MICAL2: variants seen among roughly 807,000 people sequenced by gnomAD.
MICAL2 encodes the protein microtubule associated monooxygenase, calponin and LIM domain containing 2.
A neutral mutation model predicts 127.3 loss-of-function variants in MICAL2; 77 were observed. The ratio of observed to expected loss-of-function variants is 0.60; its 90% CI spans 0.50 to 0.73. The LOEUF (loss-of-function observed/expected upper bound fraction) is 0.73, where lower values mean the gene tolerates loss of function less well. Ranked by LOEUF, MICAL2 falls within the 30% of genes least tolerant of loss-of-function variation. The pLI, the probability that MICAL2 is intolerant of heterozygous loss-of-function variation, is 0.00. For synonymous variants in MICAL2, 570 were observed against 551.1 expected (o/e 1.03, Z -0.48); for missense variants, 1,351 against 1,434.4 (o/e 0.94, Z 0.94).
In MICAL2 at chr11:12,181,136, G is replaced by A. The variant is rs184228027; in HGVS notation, c.264+18717G>A. Among the ~76,000 whole-genome samples the A allele has an allele frequency of 7.9e-5, 12 of 152,138 alleles. No homozygotes were observed. In the East Asian group the frequency reaches 1.7e-3, roughly 22 times the overall value. On this transcript the variant is annotated intron_variant, in intron 3 of 27. Transcript: ENST00000683283. ...TTTTTCTATTTTTAGTAGAGACAGGGTTTTGCTATGTTGGCCAGAATGGTC... is the reference window on the plus strand; with the variant it reads ...TTTTTCTATTTTTAGTAGAGACAGGATTTTGCTATGTTGGCCAGAATGGTC...
chr11:12,231,548 C>A (rs1399331802), intron 15 of MICAL2, among the ~76,000 whole-genome samples: 1 of 152,246 alleles, frequency 6.6e-6, no homozygotes, highest in African/African-American at 2.4e-5. Context: ...ACAACTGTTT[C>A]TTGAGTGCCT....
chr11:12,277,126 G>T (rs1485732533), intron 1 of MICAL2, among the ~76,000 whole-genome samples: 1 of 152,104 alleles, frequency 6.6e-6, no homozygotes, highest in Non-Finnish European at 1.5e-5. Context: ...TTGTGGTCTT[G>T]GTGGGCTCGC....
intron 14 of MICAL2, among the ~76,000 whole-genome samples, 171 bp downstream of exon 14, chr11:12,226,541 A>T (rs1010365954): frequency 2.0e-5 from 3 of 151,938 alleles, no homozygotes; most frequent in African/African-American, 7.3e-5. Flanking sequence ...TGTGCATGTA[A>T]GTGGATCTGT....
At chr11:12,134,144 A>G (rs533878866) in intron 1 of MICAL2, among the ~76,000 whole-genome samples, 2 of 152,324 alleles carry the variant, frequency 1.3e-5, no homozygotes, top group Non-Finnish European at 2.9e-5. Context: ...CCAGTGTTTC[A>G]TTGAAGGTTA....
intron 3 of MICAL2, among the ~76,000 whole-genome samples, chr11:12,199,074 C>A (rs1860323571): frequency 6.6e-6 from 1 of 152,156 alleles, no homozygotes; most frequent in Non-Finnish European, 1.5e-5. Context: ...CCAATAGTAC[C>A]TGGGTTAAAA....
At chr11:12,170,924 A>G (rs11826910) in intron 3 of MICAL2, among the ~76,000 whole-genome samples, 4,764 of 152,288 alleles carry the variant, frequency 0.031, 166 homozygotes, top group African/African-American at 0.087. Context: ...GAAGATGCAC[A>G]GGGATAGAGG....
At chr11:12,293,633 C>T (rs200250389), downstream of MICAL2, 34 of 1,604,136 alleles carry the variant, frequency 2.1e-5, no homozygotes, top group Middle Eastern at 8.3e-4. Flanking sequence ...CTTTCGGAGG[C>T]GAGCCGTAGC....
At chr11:12,174,648 A>C (rs1856643679) in intron 3 of MICAL2, among the ~76,000 whole-genome samples, 1 of 151,754 alleles carries the variant, frequency 6.6e-6, no homozygotes, top group African/African-American at 2.4e-5. Flanking sequence ...ATGAACACTG[A>C]CGTGCAAGTA....
At chr11:12,345,694 C>A (rs895269088) in intron 32 of MICAL2, among the ~76,000 whole-genome samples, 14 of 152,166 alleles carry the variant, frequency 9.2e-5, no homozygotes, top group Non-Finnish European at 5.9e-5. Context: ...GACTTAACTA[C>A]CACCATTGTG....
Position 12,242,657 on chromosome 11 carries a change from C to T in MICAL2, c.2557-14C>T. ...TATCTCTCTTTTCTTTCTCCTTTCT[C>T]ACCTTCACTGCAGAAGAGGGCTCAG... is the stretch of plus-strand genomic sequence containing the variant. On this transcript the variant is annotated splice_polypyrimidine_tract_variant and intron_variant, in intron 19 of 27. Coordinates refer to ENST00000683283, the MANE Select transcript of MICAL2 (RefSeq NM_001282663.2). 1 of 1,603,558 alleles carries T rather than the reference C, an allele frequency of 6.2e-7. No individual in the cohort carries two copies. Among genetic ancestry groups the T allele is most frequent in the East Asian group, 2.2e-5 (1 of 44,788 alleles).
At chr11:12,152,172 C>A (rs1853650985) in intron 2 of MICAL2, among the ~76,000 whole-genome samples, 1 of 150,218 alleles carries the variant, frequency 6.7e-6, no homozygotes, top group Admixed American at 6.6e-5. Context: ...GTGGGAGGCA[C>A]CTGTAATCCC....
chr11:12,305,184 G>A lies in MICAL2; in HGVS notation c.5212+10327G>A, dbSNP rs577295775. Among the ~76,000 whole-genome samples, 81 of 152,252 alleles carry A rather than the reference G, an allele frequency of 5.3e-4. 1 individual carries two copies. Among genetic ancestry groups the A allele is most frequent in the Admixed American group, 2.4e-3 (36 of 15,298 alleles). ...TAAAGGAAAAAGGTTTAATTGACTCGCAGTTCCACATGGCTGGGAAGGCCT... is the reference window on the plus strand; with the variant it reads ...TAAAGGAAAAAGGTTTAATTGACTCACAGTTCCACATGGCTGGGAAGGCCT... On this transcript the variant is annotated intron_variant, in intron 29 of 34. Transcript: ENST00000646065.
chr11:12,226,781 T>C (rs1857529615), intron 14 of MICAL2, among the ~76,000 whole-genome samples: 1 of 151,350 alleles, frequency 6.6e-6, no homozygotes, highest in African/African-American at 2.4e-5. Context: ...GCCTCCCGAG[T>C]AGCTGGGACT....
intron 17 of MICAL2, 21 bp from the exon 18 acceptor site, chr11:12,241,019 G>A: frequency 6.2e-7 from 1 of 1,609,816 alleles, no homozygotes; most frequent in African/African-American, 1.3e-5. Flanking sequence ...TGCTTTTTTG[G>A]ACTCGCCTTT....
intron 3 of MICAL2, among the ~76,000 whole-genome samples, chr11:12,178,681 C>G (rs1168441379): frequency 6.6e-6 from 1 of 151,828 alleles, no homozygotes; most frequent in African/African-American, 2.4e-5. Context: ...TTAAGAGAAA[C>G]TAGATGGTAA....
chr11:12,292,186 C>G (rs1272302382), downstream of MICAL2: 1 of 1,613,910 alleles, frequency 6.2e-7, no homozygotes, highest in South Asian at 1.1e-5. Context: ...CTCCTAAGGA[C>G]CCTTCTCCTT....
At chr11:12,170,939 A>ATTCC (rs1856175790) in intron 3 of MICAL2, among the ~76,000 whole-genome samples, 2 of 152,210 alleles carry the variant, frequency 1.3e-5, no homozygotes, top group African/African-American at 4.8e-5. Context: ...TAGAGGAGCG[A>ATTCC]ACTCTGTGGC....
intron 18 of MICAL2, 177 bp from the exon 19 acceptor site, chr11:12,242,037 G>A (rs1860040099): frequency 1.1e-5 from 6 of 561,622 alleles, no homozygotes; most frequent in South Asian, 7.4e-5. Context: ...TGAATGAGGA[G>A]GCCAGACAAT....
At chr11:12,213,807 T>A (rs975587354) in intron 7 of MICAL2, among the ~76,000 whole-genome samples, 1 of 152,196 alleles carries the variant, frequency 6.6e-6, no homozygotes, top group Non-Finnish European at 1.5e-5. Flanking sequence ...ATTTAGGGAA[T>A]GCTAAGGAGG....
Sources: allele counts gnomAD v4.1 joint callset (sites outside exome capture counted in the v4.1 genomes callset), GRCh38; gene constraint gnomAD v4.1.1; transcripts MANE v1.5; gene names NCBI Gene and HGNC (gene_info 2026-07-23, HGNC 2026-07-21).